SMCHD1: variants seen among roughly 807,000 people sequenced by gnomAD.
SMCHD1 encodes structural maintenance of chromosomes flexible hinge domain containing 1.
A neutral mutation model predicts 254.7 loss-of-function variants in SMCHD1; 78 were observed. The observed-to-expected ratio is 0.31, with a 90% CI of 0.26 to 0.37. The LOEUF (loss-of-function observed/expected upper bound fraction) is 0.37, where lower values mean the gene tolerates loss of function less well. SMCHD1 is among the 10% of genes least tolerant of loss of function. SMCHD1 has a pLI of 1.00. For synonymous variants in SMCHD1, 766 were observed against 794.9 expected (o/e 0.96, Z 0.61); for missense variants, 1,840 against 2,408.1 (o/e 0.76, Z 4.94).
chr18:2,769,879 T>C, intron 38 of SMCHD1, 59 bp downstream of exon 38: 1 of 1,557,084 alleles, frequency 6.4e-7, no homozygotes, highest in Non-Finnish European at 8.7e-7. Flanking sequence ...TAGATAACCT[T>C]GTTTTGCTTT....
chr18:2,780,265 AAG>A lies in SMCHD1; in HGVS notation c.5547+2027_5547+2028del, dbSNP rs1191441732. On this transcript the variant is annotated intron_variant, in intron 44 of 47. Transcript: ENST00000320876. ...AAAAAAAAAAAAAAAAAAAAAAAAA[AAG>A]GCAATAATAAATTCATCTTAGTTTA... Among the ~76,000 whole-genome samples, 241 of 113,780 alleles carry A rather than the reference AAG, an allele frequency of 2.1e-3. 5 individuals carry two copies. The highest frequency in any genetic ancestry group is 0.015 in the Admixed American group (174 of 11,402). The allele number at this position is 113,780 out of a possible 152,430, so 74.6% of individuals were successfully genotyped here. A position where few individuals can be genotyped will look rare whatever the true frequency, so the allele number is the denominator to read the frequency against.
intron 17 of SMCHD1, among the ~76,000 whole-genome samples, chr18:2,712,810 A>G (rs1324820678): frequency 6.6e-6 from 1 of 152,156 alleles, no homozygotes; most frequent in Non-Finnish European, 1.5e-5. Context: ...AAAACTGTGT[A>G]TATCACTCAC....
intron 5 of SMCHD1, among the ~76,000 whole-genome samples, chr18:2,682,317 T>C (rs615054): frequency 0.84 from 120,852 of 144,292 alleles, 52,540 homozygotes; most frequent in East Asian, 1. Flanking sequence ...TCTTCTTCTT[T>C]TTTTTTTTTT....
At position 2,804,982 on chromosome 18, in the gene SMCHD1, T is replaced by C. The variant is rs1179004920; in HGVS notation, c.*2430T>C. The C allele has an allele frequency of 1.3e-5, 2 of 152,192 alleles. No individual in the cohort carries two copies. Among genetic ancestry groups the C allele is most frequent in the Non-Finnish European group, 2.9e-5 (2 of 68,004 alleles). The allele number at this position is 152,192 out of a possible 1,614,324, so 9.4% of individuals were successfully genotyped here. ...TAGCCTACTTGTATTTTGAAGTAAC[T>C]GAAATAAAACTCTCTCCAAGCCTTT... is the stretch of plus-strand genomic sequence containing the variant. On this transcript the variant is annotated 3_prime_UTR_variant, in exon 48 of 48. Transcript: ENST00000320876.
chr18:2,795,458 C>T (rs551333557), intron 45 of SMCHD1, among the ~76,000 whole-genome samples: 50 of 152,290 alleles, frequency 3.3e-4, no homozygotes, highest in Middle Eastern at 3.4e-3. Flanking sequence ...AGTTGCATTG[C>T]TGCCAAGTTT....
At chr18:2,673,399 C>A in intron 4 of SMCHD1, 36 bp downstream of exon 4, 3 of 1,363,690 alleles carry the variant, frequency 2.2e-6, no homozygotes, top group Admixed American at 2.6e-5. Flanking sequence ...TTTAACTTTT[C>A]CTTTTGTAAG....
In SMCHD1 at chr18:2,732,328, A is replaced by C. The variant is rs748174752; in HGVS notation, c.3112A>C (p.Arg1038=). 12 of 1,613,884 alleles carry C rather than the reference A, an allele frequency of 7.4e-6. No individual in the cohort carries two copies. The highest frequency in any genetic ancestry group is 1.0e-5 in the Non-Finnish European group (12 of 1,179,830). ...IKLLPSSHVA[R]LQIFSVEGQK... ...GTTGCTTCCCAGTAGCCATGTTGCA[A>C]GACTACAAATATTCAGTGTAGAAGG... Residue 1038 remains arginine (R), a synonymous_variant, in exon 25 of 48, where the codon AGA becomes CGA. Coordinates refer to ENST00000320876, the MANE Select transcript of SMCHD1 (RefSeq NM_015295.3).
chr18:2,715,492 T>C (rs2074776519), intron 17 of SMCHD1, among the ~76,000 whole-genome samples: 1 of 152,176 alleles, frequency 6.6e-6, no homozygotes, highest in African/African-American at 2.4e-5. Flanking sequence ...TTCTCATTCA[T>C]ATCCTGAATT....
chr18:2,787,096 A>G (rs887547573), intron 45 of SMCHD1, among the ~76,000 whole-genome samples: 3 of 152,192 alleles, frequency 2.0e-5, no homozygotes, highest in African/African-American at 7.2e-5. Context: ...AAGATTGGGC[A>G]TCTGCATCTG....
intron 42 of SMCHD1, among the ~76,000 whole-genome samples, 194 bp downstream of exon 42, chr18:2,776,118 A>T (rs977781770): frequency 1.3e-5 from 2 of 152,244 alleles, no homozygotes; most frequent in Admixed American, 6.5e-5. Context: ...TTTGCCAATT[A>T]AATATTATTT....
At position 2,722,550 on chromosome 18, in the gene SMCHD1, T is replaced by C; in HGVS notation, c.2490T>C (p.Leu830=). Reference sequence around the variant, plus strand: ...AGCCAGAGAAATTTTCATTTGGTCTTCTGGATCTTCCTTTTCGTGTTGGAG... The same window carrying C: ...AGCCAGAGAAATTTTCATTTGGTCTCCTGGATCTTCCTTTTCGTGTTGGAG... ...EGKPEKFSFG[L]LDLPFRVGVP... Residue 830 remains leucine, a synonymous_variant, in exon 20 of 48, where the codon CTT becomes CTC. Coordinates refer to ENST00000320876, the MANE Select transcript of SMCHD1 (RefSeq NM_015295.3). The C allele has an allele frequency of 6.2e-7, 1 of 1,613,416 alleles. No homozygotes were observed. Among genetic ancestry groups the C allele is most frequent in the Non-Finnish European group, 8.5e-7 (1 of 1,179,644 alleles).
At position 2,708,898 on chromosome 18, in the gene SMCHD1, ATATATAT is replaced by A. The variant is rs1477600919; in HGVS notation, c.2260+979_2260+985del. Among the ~76,000 whole-genome samples, 90 of 76,190 alleles carry A rather than the reference ATATATAT, an allele frequency of 1.2e-3. 3 individuals carry two copies. The highest frequency in any genetic ancestry group is 2.0e-3 in the South Asian group (4 of 1,958). 50.0% of individuals were successfully genotyped at this position (76,190 alleles called of 152,430 possible). Reference sequence around the variant, plus strand: ...TATATATATATATATATATATATATATATATATATAACATATTAACATGAAATTTATG... The same window carrying A: ...TATATATATATATATATATATATATAATAACATATTAACATGAAATTTATG... On this transcript the variant is annotated intron_variant, in intron 17 of 47. Coordinates refer to ENST00000320876, the MANE Select transcript of SMCHD1 (RefSeq NM_015295.3).
At chr18:2,697,401 G>A (rs1221169981) in intron 9 of SMCHD1, among the ~76,000 whole-genome samples, 3 of 152,164 alleles carry the variant, frequency 2.0e-5, no homozygotes, top group Non-Finnish European at 2.9e-5. Flanking sequence ...GAAGCATGGA[G>A]GAAAAGGGAG....
At chr18:2,671,841 G>A (rs938746044) in intron 3 of SMCHD1, among the ~76,000 whole-genome samples, 14 of 151,824 alleles carry the variant, frequency 9.2e-5, no homozygotes, top group African/African-American at 1.7e-4. Context: ...CTGAAGATCC[G>A]CCCGCCTTGG....
At chr18:2,690,867 C>T (rs2074161192) in intron 7 of SMCHD1, among the ~76,000 whole-genome samples, 1 of 151,024 alleles carries the variant, frequency 6.6e-6, no homozygotes, top group Non-Finnish European at 1.5e-5. Context: ...CATACACTTC[C>T]AACAACTGTA....
At chr18:2,731,790 T>A (rs949882726) in intron 24 of SMCHD1, among the ~76,000 whole-genome samples, 2 of 152,158 alleles carry the variant, frequency 1.3e-5, no homozygotes, top group African/African-American at 2.4e-5. Context: ...GGCCAGTGGA[T>A]CACCTGAGGT....
chr18:2,691,992 T>A (rs541532803), intron 7 of SMCHD1: 3 of 152,380 alleles, frequency 2.0e-5, no homozygotes, highest in Admixed American at 6.5e-5. Flanking sequence ...ACAAAACTTT[T>A]AAAAAACTTC....
Position 2,671,077 on chromosome 18 carries a change from C to T in SMCHD1, c.425-2204C>T, listed in dbSNP as rs1161627709. Among the ~76,000 whole-genome samples the T allele has an allele frequency of 2.0e-5, 3 of 151,346 alleles. No homozygotes were observed. In the East Asian group the frequency reaches 6.0e-4, roughly 30 times the overall value. On this transcript the variant is annotated intron_variant, in intron 3 of 47. Transcript: ENST00000320876. ...TCAGCCTCCCAAGTAGCTGGGATTA[C>T]AGGCGTGCACCACCACACCTGGCTA...
intron 25 of SMCHD1, among the ~76,000 whole-genome samples, chr18:2,737,167 A>G (rs1330877101): frequency 6.6e-6 from 1 of 152,204 alleles, no homozygotes; most frequent in Admixed American, 6.5e-5. Flanking sequence ...GTGGGAGCTA[A>G]ACATTAAATA....
Sources: allele counts gnomAD v4.1 joint callset (sites outside exome capture counted in the v4.1 genomes callset), GRCh38; gene constraint gnomAD v4.1.1; transcripts MANE v1.5; gene names NCBI Gene and HGNC (gene_info 2026-07-23, HGNC 2026-07-21).